SENP6: variants seen among roughly 807,000 people sequenced by gnomAD.
SENP6 encodes the protein SUMO specific peptidase 6.
Under a neutral mutation model 134.5 loss-of-function variants are expected in SENP6, and 41 were observed. The observed-to-expected ratio is 0.30, with a 90% CI of 0.24 to 0.40. SENP6 has a LOEUF of 0.40. Ranked by LOEUF, SENP6 falls within the 10% of genes least tolerant of loss-of-function variation. The pLI, the probability that SENP6 is intolerant of heterozygous loss-of-function variation, is 1.00. For missense variants in SENP6, 1,248 were observed against 1,312.5 expected, an observed-to-expected ratio of 0.95 and a Z score of 0.76; for synonymous variants, 395 against 429.8, an observed-to-expected ratio of 0.92 and a Z score of 1.00.
chr6:75,704,977 A>G (rs1775292411), intron 19 of SENP6, among the ~76,000 whole-genome samples: 1 of 152,208 alleles, frequency 6.6e-6, no homozygotes, highest in African/African-American at 2.4e-5. Flanking sequence ...GGTTGGGGCA[A>G]AGTTACAGCA....
At chr6:75,706,101 C>G (rs775620933) in intron 19 of SENP6, among the ~76,000 whole-genome samples, 4 of 151,662 alleles carry the variant, frequency 2.6e-5, no homozygotes, top group East Asian at 1.9e-4. Context: ...ACCACCTCAC[C>G]CGACCTGTTG....
chr6:75,663,403 C>T lies in SENP6; in HGVS notation c.879C>T (p.Asp293=), dbSNP rs1771930710. The change falls in exon 9 of 24, where the codon GAC becomes GAT. Residue 293 remains aspartate, a synonymous_variant. Coordinates refer to ENST00000447266, the MANE Select transcript of SENP6 (RefSeq NM_015571.4). Reference sequence around the variant, plus strand: ...TTGATATTATTGTGAATTGTGATGACAGTAAACACACTTATTTACAGACTA... The same window carrying T: ...TTGATATTATTGTGAATTGTGATGATAGTAAACACACTTATTTACAGACTA... ...VPIDIIVNCD[D]SKHTYLQTNG... is the part of the protein sequence containing the mutation. 6.2e-7 allele frequency: 1 copy of T among 1,613,532 alleles called. No homozygotes were observed. The highest frequency in any genetic ancestry group is 1.3e-5 in the African/African-American group (1 of 74,894).
chr6:75,686,240 T>C (rs1773832659), intron 16 of SENP6, among the ~76,000 whole-genome samples: 1 of 152,048 alleles, frequency 6.6e-6, no homozygotes, highest in Non-Finnish European at 1.5e-5. Flanking sequence ...TTGTTTTCCA[T>C]TTGCTTGGTA....
In SENP6 at chr6:75,637,307, G is replaced by A. The variant is rs115551731; in HGVS notation, c.458+2496G>A. 3.3e-3 allele frequency among the ~76,000 whole-genome samples: 496 copies of A among 152,250 alleles called. 2 individuals are homozygous for A. The highest frequency in any genetic ancestry group is 0.011 in the African/African-American group (467 of 41,544). The stretch of plus-strand genomic sequence containing the variant: ...CCTGCTAAAATCTGAGTAATTCGTA[G>A]TTCTTTAGTAATAATATGGGAACGA... On this transcript the variant is annotated intron_variant, in intron 5 of 23. Transcript: ENST00000447266.
chr6:75,698,329 T>C (rs1582885995), intron 18 of SENP6, among the ~76,000 whole-genome samples: 1 of 152,198 alleles, frequency 6.6e-6, no homozygotes, highest in African/African-American at 2.4e-5. Context: ...GTTGGCTATT[T>C]TGTGGTTTCC....
At chr6:75,611,317 A>G (rs1255168431) in intron 1 of SENP6, 1 of 152,222 alleles carries the variant, frequency 6.6e-6, no homozygotes, top group Non-Finnish European at 1.5e-5. Context: ...GGAGATATAA[A>G]AGAATGATTT....
chr6:75,712,934 T>C (rs980262403), intron 21 of SENP6, among the ~76,000 whole-genome samples: 3 of 151,816 alleles, frequency 2.0e-5, no homozygotes, highest in Admixed American at 6.6e-5. Flanking sequence ...GAAAAACCCA[T>C]CTCTACAAAA....
At chr6:75,710,787 T>C (rs996644793) in intron 20 of SENP6, among the ~76,000 whole-genome samples, 3 of 152,160 alleles carry the variant, frequency 2.0e-5, no homozygotes, top group African/African-American at 7.2e-5. Flanking sequence ...CCTTGTTTAT[T>C]TTACATTCAA....
At chr6:75,609,137 G>C (rs1040593172) in intron 1 of SENP6, among the ~76,000 whole-genome samples, 1 of 152,146 alleles carries the variant, frequency 6.6e-6, no homozygotes, top group African/African-American at 2.4e-5. Context: ...GGGGAAGTCA[G>C]ACTGTAGCCT....
intron 1 of SENP6, among the ~76,000 whole-genome samples, chr6:75,613,003 A>C (rs1334623883): frequency 6.6e-6 from 1 of 152,084 alleles, no homozygotes; most frequent in Non-Finnish European, 1.5e-5. Flanking sequence ...AATCCCAGCT[A>C]CTTGGGAGGC....
At chr6:75,673,319 C>CTTTTTTTT (rs373435139) in intron 11 of SENP6, among the ~76,000 whole-genome samples, 1 of 116,956 alleles carries the variant, frequency 8.6e-6, no homozygotes, top group Non-Finnish European at 1.7e-5. Context: ...CCAATGTCTA[C>CTTTTTTTT]TTTTTTTTTT....
chr6:75,700,314 G>A (rs973140988), intron 18 of SENP6, among the ~76,000 whole-genome samples: 5 of 152,190 alleles, frequency 3.3e-5, no homozygotes, highest in African/African-American at 4.8e-5. Flanking sequence ...ATTGTTGGAA[G>A]TAATTGTCTG....
chr6:75,619,689 A>C (rs945379229), intron 1 of SENP6, among the ~76,000 whole-genome samples: 2 of 152,172 alleles, frequency 1.3e-5, no homozygotes, highest in African/African-American at 4.8e-5. Context: ...GGAACTGCCA[A>C]ATTATTTTCT....
At chr6:75,662,440 CAGTTTTTGTTTTCCAAA>C (rs1030133000) in intron 8 of SENP6, among the ~76,000 whole-genome samples, 1 of 151,940 alleles carries the variant, frequency 6.6e-6, no homozygotes, top group Non-Finnish European at 1.5e-5. Flanking sequence ...CAGGTTTAGT[CAGTTTTTGTTTTCCAAA>C]AGAAACTACA....
chr6:75,661,759 G>A (rs886326343), intron 8 of SENP6, among the ~76,000 whole-genome samples: 2 of 152,078 alleles, frequency 1.3e-5, no homozygotes, highest in South Asian at 2.1e-4. Context: ...AAGAAAACAA[G>A]ATCTGTGGGC....
chr6:75,633,321 C>G (rs1454014285), intron 3 of SENP6, among the ~76,000 whole-genome samples: 2 of 151,998 alleles, frequency 1.3e-5, no homozygotes, highest in African/African-American at 4.8e-5. Context: ...GATCCTCTAC[C>G]CTAATTGTCT....
rs112905569 is a variant in SENP6, at chr6:75,651,978, C to T, written c.550+4177C>T. 6.6e-3 allele frequency among the ~76,000 whole-genome samples: 994 copies of T among 151,624 alleles called. 2 individuals carry two copies. Among genetic ancestry groups the T allele is most frequent in the Non-Finnish European group, 9.8e-3 (663 of 67,912 alleles). ...ATCGCTTGAGCCCAGGAGTTTGAGA[C>T]CAGCCTGGGCAACATGGTGAAACCC... is the stretch of plus-strand genomic sequence containing the variant. On this transcript the variant is annotated intron_variant, in intron 7 of 23. Coordinates refer to ENST00000447266, the MANE Select transcript of SENP6 (RefSeq NM_015571.4).
chr6:75,633,765 A>G (rs765759270), intron 4 of SENP6, 39 bp downstream of exon 4: 1 of 1,546,240 alleles, frequency 6.5e-7, no homozygotes, highest in East Asian at 2.3e-5. Flanking sequence ...AGAAAAGATA[A>G]AGGAAGAGTT....
chr6:75,643,496 G>A (rs745663403), intron 6 of SENP6, among the ~76,000 whole-genome samples: 1 of 152,108 alleles, frequency 6.6e-6, no homozygotes, highest in Non-Finnish European at 1.5e-5. Context: ...ACAAATAAAT[G>A]TAAAGCCTCC....
Sources: gnomAD v4.1 joint callset for allele counts (sites outside exome capture counted in the v4.1 genomes callset) on GRCh38, gnomAD v4.1.1 for gene constraint, MANE v1.5 for transcripts, NCBI Gene and HGNC (gene_info 2026-07-23, HGNC 2026-07-21) for gene names.